DVL3: variants seen among roughly 807,000 people sequenced by gnomAD.
DVL3 encodes the protein dishevelled segment polarity protein 3, also known as segment polarity protein dishevelled homolog DVL-3.
Under a neutral mutation model 67.4 loss-of-function variants are expected in DVL3, and 27 were observed. The ratio of observed to expected loss-of-function variants is 0.40; its 90% CI spans 0.30 to 0.55. DVL3 has a LOEUF of 0.55. Among genes scored for constraint, DVL3 ranks in the 20% least tolerant of loss-of-function variants. DVL3 has a pLI of 0.46. For synonymous variants in DVL3, 369 were observed against 396.8 expected (o/e 0.93, Z 0.83); for missense variants, 819 against 1,021.5 (o/e 0.80, Z 2.70).
At chr3:184,156,692 C>T in intron 1 of DVL3, 2 of 332,886 alleles carry the variant, frequency 6.0e-6, no homozygotes, top group Non-Finnish European at 1.2e-5. Flanking sequence ...TCTGAAGCAG[C>T]TGGCCTGGGA....
At chr3:184,157,968 T>G (rs1444949134) in intron 1 of DVL3, among the ~76,000 whole-genome samples, 2 of 152,220 alleles carry the variant, frequency 1.3e-5, no homozygotes, top group East Asian at 3.8e-4. Context: ...ATCTAAATGC[T>G]TTTCAAATCT....
Position 184,166,827 on chromosome 3 carries a change from C to G in DVL3, c.1050C>G (p.Ser350Arg). Residue 350 changes from serine to arginine, a missense_variant and splice_region_variant, in exon 11 of 15, where the codon AGC (serine) becomes AGG (arginine). By Grantham distance (110) the Ser-to-Arg change is moderately radical. This residue lies in a region of DVL3 where 385 missense variants were observed against 486.8 expected (regional missense o/e 0.79). Transcript: ENST00000313143. The surrounding 1 kb of genome is among the most constrained non-coding windows in gnomAD (Gnocchi z 6.7). ...CATGACTCCTCATCCTCCCTGCAGG[C>G]GAGCCCATCCGGCCCATTGACCCTG... ...SPRGCFTLPR[S>R]EPIRPIDPAA... 6.2e-7 allele frequency: 1 copy of G among 1,613,774 alleles called. No homozygotes were observed. The highest frequency in any genetic ancestry group is 8.5e-7 in the Non-Finnish European group (1 of 1,179,880).
rs1244723015 is a variant in DVL3, at chr3:184,164,231, C to T, written c.232-36C>T. ...AACTATCCCCTTCTCCTTGATGCTC[C>T]TGTAACATACTACTCACTCAGTTTC... is the stretch of plus-strand genomic sequence containing the variant. On this transcript the variant is annotated intron_variant, in intron 2 of 14. Transcript: ENST00000313143. The surrounding 1 kb of genome is among the most constrained non-coding windows in gnomAD (Gnocchi z 5.3). 1.9e-6 allele frequency: 3 copies of T among 1,608,688 alleles called. No individual in the cohort carries two copies. Among genetic ancestry groups the T allele is most frequent in the African/African-American group, 2.7e-5 (2 of 74,772 alleles).
At position 184,163,626 on chromosome 3, in the gene DVL3, G is replaced by A; in HGVS notation, c.162-31G>A. On this transcript the variant is annotated intron_variant, in intron 1 of 14. Coordinates refer to ENST00000313143, the MANE Select transcript of DVL3 (RefSeq NM_004423.4). The surrounding 1 kb of genome is among the most constrained non-coding windows in gnomAD (Gnocchi z 4.5). ...AGGATCCTCCATTTGCACCCTAGAA[G>A]GTTCTCTGTGACATCCCCCTTTCTC... 6.2e-7 allele frequency: 1 copy of A among 1,606,058 alleles called. No homozygotes were observed. Among genetic ancestry groups the A allele is most frequent in the Non-Finnish European group, 8.5e-7 (1 of 1,172,768 alleles).
At position 184,160,433 on chromosome 3, in the gene DVL3, C is replaced by T. The variant is rs542243846; in HGVS notation, c.162-3224C>T. Among the ~76,000 whole-genome samples the T allele has an allele frequency of 2.0e-5, 3 of 152,198 alleles. No individual in the cohort carries two copies. The South Asian group carries it at 6.2e-4, about 32-fold the overall frequency. Reference sequence around the variant, plus strand: ...AAGGATCCCTTTTACCAGGATGAGACAAAGGCTTGGAGAAATTAAGAAACT... The same window carrying T: ...AAGGATCCCTTTTACCAGGATGAGATAAAGGCTTGGAGAAATTAAGAAACT... On this transcript the variant is annotated intron_variant, in intron 1 of 14. Transcript: ENST00000313143.
Position 184,155,558 on chromosome 3 carries a change from G to GCGC in DVL3, c.-69_-67dup. 2.1e-6 allele frequency: 2 copies of GCGC among 936,912 alleles called. No homozygotes were observed. The highest frequency in any genetic ancestry group is 9.5e-5 in the South Asian group (2 of 20,990). The allele number at this position is 936,912 out of a possible 1,614,324, so 58.0% of individuals were successfully genotyped here. On this transcript the variant is annotated 5_prime_UTR_variant, in exon 1 of 15. Coordinates refer to ENST00000313143, the MANE Select transcript of DVL3 (RefSeq NM_004423.4). This position sits in a 1 kb window ranked among gnomAD's most constrained non-coding sequence, Gnocchi z 5.4. ...GGGTTGAGCCGCTGGGCCGCGCCGC[G>GCGC]CGCCGCCGCCGTCTGGGAGGCTCGG...
Position 184,162,560 on chromosome 3 carries a change from CT to C in DVL3, c.162-1080del, listed in dbSNP as rs35869796. Among the ~76,000 whole-genome samples the C allele has an allele frequency of 4.3e-3, 526 of 123,492 alleles. 2 individuals are homozygous for C. Among genetic ancestry groups the C allele is most frequent in the African/African-American group, 0.013 (433 of 32,780 alleles). The allele number at this position is 123,492 out of a possible 152,430, so 81.0% of individuals were successfully genotyped here. On this transcript the variant is annotated intron_variant, in intron 1 of 14. Transcript: ENST00000313143. ...CCCCTTCTCTTTTTCTTTTTCTTTT[CT>C]TTTTTTTTTTTTTTTTGACACGGAG...
intron 1 of DVL3, among the ~76,000 whole-genome samples, chr3:184,156,185 G>T (rs188952452): frequency 6.6e-5 from 10 of 152,190 alleles, no homozygotes; most frequent in African/African-American, 2.2e-4. Flanking sequence ...CACAGACTTG[G>T]GTCGTGTGGC....
rs961697372 is a variant in DVL3 at position 184,165,639 on chromosome 3, A to G, written c.763+148A>G. On this transcript the variant is annotated intron_variant, in intron 7 of 14. Transcript: ENST00000313143. This position sits in a 1 kb window ranked among gnomAD's most constrained non-coding sequence, Gnocchi z 4.1. ...TGATACATAAACTGATCATTTTAGT[A>G]TCTCACCATCAGGGCTATGACAGAG... 5.7e-6 allele frequency: 4 copies of G among 698,386 alleles called. 1 individual carries two copies. The highest frequency in any genetic ancestry group is 4.5e-5 in the Admixed American group (2 of 44,550). 43.3% of individuals were successfully genotyped at this position (698,386 alleles called of 1,614,324 possible).
chr3:184,156,332 G>T, intron 1 of DVL3: 1 of 456,570 alleles, frequency 2.2e-6, no homozygotes, highest in Middle Eastern at 3.3e-4. Flanking sequence ...GGCCGCGAGC[G>T]GGGTCTGCAG....
rs149103009 is a variant in DVL3, at chr3:184,164,855, A to G, written c.523A>G (p.Ser175Gly). ...GCGGCGAGAACCAGGGGGTTATGAT[A>G]GCTCATCCACCCTTATGAGCAGTGA... The part of the protein sequence containing the change: ...ERRREPGGYD[S>G]SSTLMSSELE... The change falls in exon 5 of 15, where the codon AGC becomes GGC. Residue 175 changes from serine (S) to glycine (G), a missense_variant. Around this residue, in one of 3 missense-constraint regions of DVL3, gnomAD observed 385 missense variants for 486.8 expected, o/e 0.79. Coordinates refer to ENST00000313143, the MANE Select transcript of DVL3 (RefSeq NM_004423.4). This position sits in a 1 kb window ranked among gnomAD's most constrained non-coding sequence, Gnocchi z 5.3. The G allele has an allele frequency of 2.3e-4, 372 of 1,614,208 alleles. 1 individual carries two copies. The highest frequency in any genetic ancestry group is 1.2e-3 in the Admixed American group (71 of 60,032).
In DVL3 at chr3:184,167,047, G is replaced by A; in HGVS notation, c.1198+72G>A. The A allele has an allele frequency of 6.4e-7, 1 of 1,557,790 alleles. No individual in the cohort carries two copies. ...GGGGGGACTGATGAGGGTCCATGTG[G>A]AGACTCTTGCTTGAGCATCAGAGAG... On this transcript the variant is annotated intron_variant, in intron 11 of 14. Transcript: ENST00000313143. This position sits in a 1 kb window ranked among gnomAD's most constrained non-coding sequence, Gnocchi z 4.6.
chr3:184,166,094 TC>T lies in DVL3; in HGVS notation c.764-27del, dbSNP rs1436379724. On this transcript the variant is annotated intron_variant, in intron 7 of 14. Transcript: ENST00000313143. This position sits in a 1 kb window ranked among gnomAD's most constrained non-coding sequence, Gnocchi z 6.7. Reference sequence around the variant, plus strand: ...CTGGGAATGCGGGTAGGAACCTTGCTCCCCCTTAAGGTCTTAAATTACTCTC... The same window carrying T: ...CTGGGAATGCGGGTAGGAACCTTGCTCCCCTTAAGGTCTTAAATTACTCTC... The T allele has an allele frequency of 6.2e-7, 1 of 1,604,300 alleles. No individual in the cohort carries two copies. The highest frequency in any genetic ancestry group is 1.3e-5 in the African/African-American group (1 of 74,158).
At chr3:184,162,044 T>C (rs1714398814) in intron 1 of DVL3, among the ~76,000 whole-genome samples, 1 of 152,224 alleles carries the variant, frequency 6.6e-6, no homozygotes, top group African/African-American at 2.4e-5. Flanking sequence ...GGAGAATTAC[T>C]GAACCTATTG....
chr3:184,168,140 C>T, intron 13 of DVL3, 75 bp downstream of exon 13: 1 of 1,537,446 alleles, frequency 6.5e-7, no homozygotes, highest in South Asian at 1.2e-5. Context: ...TGGCAGCAGA[C>T]TCTGGGGAAC....
At position 184,164,497 on chromosome 3, in the gene DVL3, A is replaced by C; in HGVS notation, c.359A>C (p.His120Pro). 1 of 1,596,698 alleles carries C rather than the reference A, an allele frequency of 6.3e-7. No individual in the cohort carries two copies. The highest frequency in any genetic ancestry group is 8.5e-7 in the Non-Finnish European group (1 of 1,172,022). Residue 120 changes from histidine (H) to proline (P), a missense_variant, in exon 4 of 15, where the codon CAT (histidine) becomes CCT (proline). Transcript: ENST00000313143. This position sits in a 1 kb window ranked among gnomAD's most constrained non-coding sequence, Gnocchi z 5.3. ...GDSRPPSFHP[H>P]AGGGSQENLD... Reference sequence around the variant, plus strand: ...ATCAAGTCTCTTCCCTGCAGCCCTCATGCTGGTGGGGGCAGCCAGGAGAAC... The same window carrying C: ...ATCAAGTCTCTTCCCTGCAGCCCTCCTGCTGGTGGGGGCAGCCAGGAGAAC...
Position 184,171,520 on chromosome 3 carries a change from CTT to C in DVL3, c.*768_*769del, listed in dbSNP as rs1383356328. The C allele has an allele frequency of 6.1e-6, 6 of 985,872 alleles. No homozygotes were observed. The African/African-American group carries it at 1.0e-4, about 17-fold the overall frequency. The allele number at this position is 985,872 out of a possible 1,614,324, so 61.1% of individuals were successfully genotyped here. A position where few individuals can be genotyped will look rare whatever the true frequency, so the allele number is the denominator to read the frequency against. ...TCTCACCTCCAGGCCTGAAACATTT[CTT>C]TTCTTTCTTTTTTCCTCCCCCAATT... On this transcript the variant is annotated 3_prime_UTR_variant, in exon 15 of 15. Transcript: ENST00000313143.
Position 184,166,786 on chromosome 3 carries a change from G to C in DVL3, c.1049-40G>C, listed in dbSNP as rs1437441139. 1.9e-6 allele frequency: 3 copies of C among 1,613,312 alleles called. No individual in the cohort carries two copies. The highest frequency in any genetic ancestry group is 2.7e-5 in the African/African-American group (2 of 74,820). Reference sequence around the variant, plus strand: ...ATCTATCCTGTTGGGCCCAGCAGTGGGTGGGGTGGGTAGCCCATGACTCCT... The same window carrying C: ...ATCTATCCTGTTGGGCCCAGCAGTGCGTGGGGTGGGTAGCCCATGACTCCT... On this transcript the variant is annotated intron_variant, in intron 10 of 14. Transcript: ENST00000313143. The surrounding 1 kb of genome is among the most constrained non-coding windows in gnomAD (Gnocchi z 6.7).
rs766562405 is a variant in DVL3, at chr3:184,170,123, A to G, written c.1616A>G (p.Gln539Arg). 3.7e-6 allele frequency: 6 copies of G among 1,613,662 alleles called. No homozygotes were observed. In the African/African-American group the frequency reaches 8.0e-5, roughly 22 times the overall value. The change falls in exon 14 of 15, where the codon CAG (glutamine) becomes CGG (arginine). Residue 539 changes from glutamine (Q) to arginine (R), a missense_variant. Physicochemically the swap from Gln to Arg is conservative, Grantham distance 43. Coordinates refer to ENST00000313143, the MANE Select transcript of DVL3 (RefSeq NM_004423.4). The surrounding 1 kb of genome is among the most constrained non-coding windows in gnomAD (Gnocchi z 6.5). Reference sequence around the variant, plus strand: ...CCTTGGCCCATGGCTTTCCCGTACCAGTACCCGCCACCCCCGCACCCATAC... The same window carrying G: ...CCTTGGCCCATGGCTTTCCCGTACCGGTACCCGCCACCCCCGCACCCATAC... ...AAPWPMAFPYQYPPPPHPYNP... is the reference protein window; with the variant it reads ...AAPWPMAFPYRYPPPPHPYNP...
Sources: gnomAD v4.1 joint callset for allele counts (sites outside exome capture counted in the v4.1 genomes callset) on GRCh38, gnomAD v4.1.1 for gene constraint, gnomAD v4.1.1 regional missense constraint, Gnocchi (gnomAD v3.1) non-coding constraint, MANE v1.5 for transcripts, NCBI Gene and HGNC (gene_info 2026-07-23, HGNC 2026-07-21) for gene names.